The following NFIA variants were observed in gnomAD, a reference collection of about 807,000 sequenced individuals.
The protein encoded by NFIA is nuclear factor 1 A-type.
A neutral mutation model predicts 62.8 loss-of-function variants in NFIA; 8 were observed. The observed-to-expected ratio is 0.13, with a 90% CI of 0.07 to 0.23. NFIA has a LOEUF of 0.23. NFIA is among the 10% of genes least tolerant of loss of function. The pLI, the probability that NFIA is intolerant of heterozygous loss-of-function variation, is 1.00. For missense variants in NFIA, 410 were observed against 642.1 expected (o/e 0.64, Z 3.91); for synonymous variants, 235 against 238.1 (o/e 0.99, Z 0.12).
At chr1:61,132,558 C>A (rs187260729) in intron 2 of NFIA, 1 of 152,256 alleles carries the variant, frequency 6.6e-6, no homozygotes, top group East Asian at 1.9e-4. Flanking sequence ...AAGATAGTGT[C>A]TTTTGGCATG....
intron 3 of NFIA, among the ~76,000 whole-genome samples, chr1:61,287,407 C>G (rs769841176): frequency 1.3e-5 from 2 of 152,130 alleles, no homozygotes; most frequent in Non-Finnish European, 2.9e-5. Context: ...AAATGGAGGT[C>G]GAAATCTGTG....
At chr1:61,275,664 A>AAAAC (rs1254302696) in intron 2 of NFIA, among the ~76,000 whole-genome samples, 1 of 152,144 alleles carries the variant, frequency 6.6e-6, no homozygotes, top group Non-Finnish European at 1.5e-5. Context: ...AATTTTCCCT[A>AAAAC]AAACAAAATT....
At chr1:61,298,388 G>A (rs1448887231) in intron 3 of NFIA, among the ~76,000 whole-genome samples, 1 of 151,980 alleles carries the variant, frequency 6.6e-6, no homozygotes, top group African/African-American at 2.4e-5. Context: ...CCCAGTTCTT[G>A]GTGGTATTCT....
intron 2 of NFIA, among the ~76,000 whole-genome samples, chr1:61,253,189 A>T (rs542641745): frequency 1.3e-5 from 2 of 152,314 alleles, no homozygotes; most frequent in African/African-American, 4.8e-5. Flanking sequence ...AGAACCAAGA[A>T]ATAGAGAACA....
intron 2 of NFIA, among the ~76,000 whole-genome samples, chr1:61,209,037 G>A (rs1221427077): frequency 6.6e-6 from 1 of 152,122 alleles, no homozygotes; most frequent in African/African-American, 2.4e-5. Flanking sequence ...TGAATTTCCT[G>A]CTGTACTGGA....
intron 7 of NFIA, among the ~76,000 whole-genome samples, chr1:61,385,479 A>C (rs1664633947): frequency 6.6e-6 from 1 of 152,036 alleles, no homozygotes; most frequent in African/African-American, 2.4e-5. Context: ...AATAATGACC[A>C]TTTCCTCCCA....
chr1:61,383,461 T>G, intron 7 of NFIA, 96 bp downstream of exon 7: 2 of 1,464,736 alleles, frequency 1.4e-6, no homozygotes, highest in Non-Finnish European at 1.9e-6. Flanking sequence ...CCCTGAACAC[T>G]CGTGAGGCAG....
chr1:61,222,343 C>T (rs1654065884), intron 2 of NFIA, among the ~76,000 whole-genome samples: 1 of 152,002 alleles, frequency 6.6e-6, no homozygotes, highest in South Asian at 2.1e-4. Context: ...TCCGTTATAC[C>T]GTTTAGAGTC....
intron 2 of NFIA, among the ~76,000 whole-genome samples, chr1:61,229,986 C>T (rs1654571302): frequency 6.6e-6 from 1 of 151,990 alleles, no homozygotes; most frequent in Non-Finnish European, 1.5e-5. Context: ...TAATGTTCTT[C>T]TAGAAGTTTT....
At chr1:61,081,478 C>G (rs1646094367), upstream of NFIA, among the ~76,000 whole-genome samples, 1 of 152,190 alleles carries the variant, frequency 6.6e-6, no homozygotes, top group South Asian at 2.1e-4. Flanking sequence ...TAGCCTATGT[C>G]CAGTTCTGGG....
chr1:61,080,656 A>C (rs1646084413), upstream of NFIA, among the ~76,000 whole-genome samples: 1 of 152,222 alleles, frequency 6.6e-6, no homozygotes, highest in Non-Finnish European at 1.5e-5. Flanking sequence ...GGAACCAAGG[A>C]AAAGCAGTGG....
chr1:61,124,216 C>A (rs1338299049), intron 2 of NFIA, among the ~76,000 whole-genome samples: 1 of 152,170 alleles, frequency 6.6e-6, no homozygotes, highest in Admixed American at 6.5e-5. Context: ...TCAGTGCTTC[C>A]TTTGACTCAA....
intron 6 of NFIA, among the ~76,000 whole-genome samples, chr1:61,362,932 G>T (rs1026190997): frequency 5.3e-5 from 8 of 152,158 alleles, no homozygotes; most frequent in African/African-American, 1.9e-4. Flanking sequence ...CAGAGAAATT[G>T]ATAATGCAGA....
chr1:61,304,872 C>G (rs1659683827), intron 3 of NFIA, among the ~76,000 whole-genome samples: 1 of 152,152 alleles, frequency 6.6e-6, no homozygotes, highest in Non-Finnish European at 1.5e-5. Flanking sequence ...ACTGTGCAAC[C>G]TTGCTCAAGT....
In NFIA at chr1:61,457,925, T is replaced by C. The variant is rs960634079; in HGVS notation, c.*2605T>C. 1.3e-5 allele frequency: 2 copies of C among 152,182 alleles called. No individual in the cohort carries two copies. Among genetic ancestry groups the C allele is most frequent in the African/African-American group, 4.8e-5 (2 of 41,450 alleles). The allele number at this position is 152,182 out of a possible 1,614,324, so 9.4% of individuals were successfully genotyped here. A position where few individuals can be genotyped will look rare whatever the true frequency, so the allele number is the denominator to read the frequency against. ...GTCAATCCACATTCAATAAAAAGTA[T>C]ATAATGCCCATTTTTATATGCACGT... is the stretch of plus-strand genomic sequence containing the variant. On this transcript the variant is annotated 3_prime_UTR_variant, in exon 11 of 11. Transcript: ENST00000403491. The surrounding 1 kb of genome is among the most constrained non-coding windows in gnomAD (Gnocchi z 4.2).
At chr1:61,143,829 C>T (rs769886789) in intron 2 of NFIA, among the ~76,000 whole-genome samples, 1 of 152,074 alleles carries the variant, frequency 6.6e-6, no homozygotes, top group African/African-American at 2.4e-5. Flanking sequence ...GCCATACCAC[C>T]GAGGTTGAGA....
chr1:61,353,944 G>A (rs1261354970), intron 5 of NFIA, among the ~76,000 whole-genome samples: 3 of 152,214 alleles, frequency 2.0e-5, no homozygotes, highest in Non-Finnish European at 4.4e-5. Context: ...GAGAGACCTT[G>A]TGTGTAACTG....
intron 9 of NFIA, among the ~76,000 whole-genome samples, chr1:61,419,560 C>T (rs1666509831): frequency 2.0e-5 from 3 of 152,186 alleles, no homozygotes; most frequent in African/African-American, 4.8e-5. Context: ...CTGGTCTCCT[C>T]TCTGTGTGCA....
chr1:61,276,168 A>C (rs964642604), intron 2 of NFIA, among the ~76,000 whole-genome samples: 1 of 152,210 alleles, frequency 6.6e-6, no homozygotes, highest in Non-Finnish European at 1.5e-5. Flanking sequence ...TCACCAGGTT[A>C]AGATTATCTG....
Sources: allele counts gnomAD v4.1 joint callset (sites outside exome capture counted in the v4.1 genomes callset), GRCh38; gene constraint gnomAD v4.1.1; non-coding constraint Gnocchi (gnomAD v3.1); transcripts MANE v1.5; gene names NCBI Gene and HGNC (gene_info 2026-07-23, HGNC 2026-07-21).